NUDT6: variants seen among roughly 807,000 people sequenced by gnomAD.
NUDT6 encodes the protein FAD diphosphatase NUDT6.
Under a neutral mutation model 36.8 loss-of-function variants are expected in NUDT6, and 24 were observed. That is an observed-to-expected ratio of 0.65 (90% confidence interval 0.47 to 0.92). The LOEUF (loss-of-function observed/expected upper bound fraction) is 0.92, where lower values mean the gene tolerates loss of function less well. Ranked by LOEUF, NUDT6 falls within the 40% of genes least tolerant of loss-of-function variation. The pLI is 0.00. For missense variants in NUDT6, 388 were observed against 392.8 expected (o/e 0.99, Z 0.10); for synonymous variants, 163 against 157.0 (o/e 1.04, Z -0.29).
At chr4:122,909,838 G>A (rs1727698029) in intron 3 of NUDT6, among the ~76,000 whole-genome samples, 1 of 152,204 alleles carries the variant, frequency 6.6e-6, no homozygotes, top group South Asian at 2.1e-4. Flanking sequence ...TTGAATCTTT[G>A]TAAGTAAACA....
intron 2 of NUDT6, among the ~76,000 whole-genome samples, chr4:122,917,067 T>A (rs138991072): frequency 5.9e-5 from 9 of 152,332 alleles, no homozygotes; most frequent in African/African-American, 2.2e-4. Context: ...ATTTTCCATT[T>A]AGGTCATAAT....
At chr4:122,901,073 T>G (rs1010956451) in intron 3 of NUDT6, among the ~76,000 whole-genome samples, 3 of 152,058 alleles carry the variant, frequency 2.0e-5, no homozygotes, top group African/African-American at 7.2e-5. Flanking sequence ...TTTCCTAATC[T>G]CAAAAAAGGA....
intron 3 of NUDT6, among the ~76,000 whole-genome samples, chr4:122,899,471 C>G (rs1164024011): frequency 1.3e-5 from 2 of 152,084 alleles, no homozygotes; most frequent in Non-Finnish European, 2.9e-5. Context: ...TTTTAAAATG[C>G]TTACTTCTCC....
intron 4 of NUDT6, chr4:122,895,723 CA>C (rs1444355197): frequency 6.6e-6 from 1 of 152,034 alleles, no homozygotes; most frequent in Non-Finnish European, 1.5e-5. Context: ...ATTTAAAAAA[CA>C]CTATGGATAA....
rs146113001 is a variant in NUDT6, at chr4:122,907,279, C to A, written c.498+5289G>T. On this transcript the variant is annotated intron_variant, in intron 3 of 4. Transcript: ENST00000304430. ...CTGAGTAGCTGGGATTACAGGCATGCGCCACCATGCCCTGCTAATTTTTGT... is the reference window on the plus strand; with the variant it reads ...CTGAGTAGCTGGGATTACAGGCATGAGCCACCATGCCCTGCTAATTTTTGT... 2.6e-4 allele frequency among the ~76,000 whole-genome samples: 40 copies of A among 151,482 alleles called. No homozygotes were observed. The South Asian group carries it at 8.4e-3, about 32-fold the overall frequency.
At chr4:122,911,938 T>A (rs1033298180) in intron 3 of NUDT6, among the ~76,000 whole-genome samples, 2 of 152,224 alleles carry the variant, frequency 1.3e-5, no homozygotes, top group African/African-American at 4.8e-5. Flanking sequence ...TGGGCCACAC[T>A]GAACTTTTTA....
chr4:122,914,499 AGC>A (rs1727791636), intron 2 of NUDT6, among the ~76,000 whole-genome samples: 1 of 152,224 alleles, frequency 6.6e-6, no homozygotes, highest in Admixed American at 6.5e-5. Flanking sequence ...GCACAATTTG[AGC>A]GACCTCTGCT....
intron 1 of NUDT6, chr4:122,921,583 G>A: frequency 1.0e-5 from 1 of 98,668 alleles, no homozygotes; most frequent in African/African-American, 4.1e-5. Flanking sequence ...GAGACAGAAT[G>A]ATACCCTCTC....
chr4:122,918,846 C>T (rs1727905819), intron 1 of NUDT6: 1 of 152,190 alleles, frequency 6.6e-6, no homozygotes, highest in African/African-American at 2.4e-5. Context: ...AGGTAAAGTA[C>T]ATAAAGTGAA....
intron 1 of NUDT6, 144 bp from the exon 2 acceptor site, chr4:122,917,848 G>C: frequency 1.5e-6 from 1 of 653,522 alleles, no homozygotes; most frequent in Non-Finnish European, 2.6e-6. Context: ...CGCTGGCACT[G>C]GAAGTACCAT....
At chr4:122,917,320 C>T (rs879083264) in intron 2 of NUDT6, among the ~76,000 whole-genome samples, 181 bp downstream of exon 2, 12 of 152,264 alleles carry the variant, frequency 7.9e-5, no homozygotes, top group South Asian at 4.2e-4. Context: ...GTACTATCTG[C>T]GGTTACAGGT....
chr4:122,895,495 T>G (rs1727321625), intron 4 of NUDT6: 1 of 152,216 alleles, frequency 6.6e-6, no homozygotes, highest in South Asian at 2.1e-4. Flanking sequence ...TCCTGGTGTT[T>G]CCCTCTGACT....
chr4:122,893,986 C>G (rs529453831), intron 4 of NUDT6: 13 of 152,264 alleles, frequency 8.5e-5, no homozygotes, highest in African/African-American at 2.9e-4. Context: ...TCTTGTTTGT[C>G]AAATAGTAAA....
intron 1 of NUDT6, chr4:122,920,716 G>C (rs1312640171): frequency 6.6e-6 from 1 of 152,198 alleles, no homozygotes; most frequent in Non-Finnish European, 1.5e-5. Flanking sequence ...ATAAGTATCA[G>C]TGGGTACAAC....
chr4:122,915,111 G>A (rs1404361436), intron 2 of NUDT6, among the ~76,000 whole-genome samples: 1 of 152,150 alleles, frequency 6.6e-6, no homozygotes, highest in Non-Finnish European at 1.5e-5. Flanking sequence ...GCATGCTGCA[G>A]GAAGAGGAGC....
chr4:122,893,103 T>C lies in NUDT6; in HGVS notation c.676A>G (p.Ile226Val), dbSNP rs1390077505. The change falls in exon 5 of 5, where the codon ATC (isoleucine) becomes GTC (valine). Residue 226 changes from isoleucine to valine, a missense_variant. Transcript: ENST00000304430. ...AATGAATATGGCTTTAGGCGGCAGATGATATACATATCTGACTTCCCAAAA... is the reference window on the plus strand; with the variant it reads ...AATGAATATGGCTTTAGGCGGCAGACGATATACATATCTGACTTCCCAAAA... Reference protein sequence around the residue: ...GAFGKSDMYIICRLKPYSFTI... With the variant: ...GAFGKSDMYIVCRLKPYSFTI... 3.1e-6 allele frequency: 5 copies of C among 1,614,128 alleles called. No individual in the cohort carries two copies. The highest frequency in any genetic ancestry group is 2.2e-5 in the South Asian group (2 of 91,080).
chr4:122,897,722 AACAC>A, intron 3 of NUDT6, 44 bp from the exon 4 acceptor site: 1 of 1,233,150 alleles, frequency 8.1e-7, no homozygotes, highest in Non-Finnish European at 1.2e-6. Flanking sequence ...AACTTTCACT[AACAC>A]ACACATATGT....
At chr4:122,896,967 TATTTTTCG>T in intron 4 of NUDT6, 1 of 152,310 alleles carries the variant, frequency 6.6e-6, no homozygotes, top group South Asian at 2.1e-4. Context: ...ATTTGGTTTC[TATTTTTCG>T]ATTTCCTGTA....
At chr4:122,916,489 A>G (rs1017070047) in intron 2 of NUDT6, among the ~76,000 whole-genome samples, 10 of 152,198 alleles carry the variant, frequency 6.6e-5, no homozygotes, top group African/African-American at 2.2e-4. Context: ...TACTTTACAA[A>G]TTTACATAAT....
Sources: gnomAD v4.1 joint callset for allele counts (sites outside exome capture counted in the v4.1 genomes callset) on GRCh38, gnomAD v4.1.1 for gene constraint, MANE v1.5 for transcripts, NCBI Gene and HGNC (gene_info 2026-07-23, HGNC 2026-07-21) for gene names.